Variants in LPP observed in about 807,000 individuals in gnomAD.
The protein encoded by LPP is LIM domain containing preferred translocation partner in lipoma.
LPP carries 38 observed loss-of-function variants against 60.4 expected under a neutral mutation model. The ratio of observed to expected loss-of-function variants is 0.63; its 90% CI spans 0.49 to 0.83. The LOEUF (loss-of-function observed/expected upper bound fraction) is 0.83. Ranked by LOEUF, LPP falls within the 40% of genes least tolerant of loss-of-function variation. The pLI is 0.00. For missense variants in LPP, 902 were observed against 783.6 expected, an observed-to-expected ratio of 1.15 and a Z score of -1.80; for synonymous variants, 328 against 290.8, an observed-to-expected ratio of 1.13 and a Z score of -1.30.
intron 4 of LPP, among the ~76,000 whole-genome samples, chr3:188,473,034 A>AT (rs775260993): frequency 1.6e-3 from 242 of 151,780 alleles, no homozygotes; most frequent in Non-Finnish European, 3.1e-3. Context: ...CTGTTTCTCT[A>AT]TTTTTTTTCC....
rs76919907 is a variant in LPP, at chr3:188,575,296, T to C, written c.430-33865T>C. 8.6e-3 allele frequency among the ~76,000 whole-genome samples: 1,303 copies of C among 152,274 alleles called. 17 individuals carry two copies. Among genetic ancestry groups the C allele is most frequent in the African/African-American group, 0.029 (1,220 of 41,564 alleles). On this transcript the variant is annotated intron_variant, in intron 6 of 11. Transcript: ENST00000617246. ...CAAAACTTATTTTGATTTTTTGTTT[T>C]TAGTTTTCCTAGTCTCTGAATGTCT... is the stretch of plus-strand genomic sequence containing the variant.
intron 3 of LPP, among the ~76,000 whole-genome samples, chr3:188,394,492 T>C (rs1780426787): frequency 6.6e-6 from 1 of 152,036 alleles, no homozygotes; most frequent in Non-Finnish European, 1.5e-5. Flanking sequence ...ACTTCAAGGA[T>C]GTTAAACTTC....
intron 9 of LPP, among the ~76,000 whole-genome samples, chr3:188,826,793 T>C (rs1376263883): frequency 6.6e-6 from 1 of 152,068 alleles, no homozygotes; most frequent in Non-Finnish European, 1.5e-5. Flanking sequence ...CTCTCATCTC[T>C]GCACCTCTCT....
chr3:188,829,795 A>G (rs1474884685), intron 9 of LPP, among the ~76,000 whole-genome samples: 2 of 152,166 alleles, frequency 1.3e-5, no homozygotes, highest in East Asian at 3.9e-4. Context: ...GACCCTGAAT[A>G]GTGCCTTGAA....
Position 188,238,651 on chromosome 3 carries a change from T to TCC in LPP, c.-67+13124_-67+13125insCC, listed in dbSNP as rs1431296917. Among the ~76,000 whole-genome samples the TCC allele has an allele frequency of 7.0e-4, 107 of 152,312 alleles. 1 individual carries two copies. The highest frequency in any genetic ancestry group is 2.5e-3 in the African/African-American group (104 of 41,552). On this transcript the variant is annotated intron_variant, in intron 2 of 11. Transcript: ENST00000617246. Reference sequence around the variant, plus strand: ...GGAGCAGTCAGAACACACCTATTTATTGATCAAGTTTGCCATCTCATATGG... The same window carrying TCC: ...GGAGCAGTCAGAACACACCTATTTATCCTGATCAAGTTTGCCATCTCATATGG...
chr3:188,423,555 CCCA>C (rs1375844355), intron 4 of LPP, among the ~76,000 whole-genome samples: 1 of 152,186 alleles, frequency 6.6e-6, no homozygotes, highest in Non-Finnish European at 1.5e-5. Context: ...AATTTACACT[CCCA>C]CCAACAGTGT....
At chr3:188,319,535 A>G (rs73050996) in intron 2 of LPP, among the ~76,000 whole-genome samples, 1,664 of 152,336 alleles carry the variant, frequency 0.011, 38 homozygotes, top group African/African-American at 0.038. Flanking sequence ...GTAAGACCCA[A>G]GACATCACTT....
chr3:188,243,183 C>A (rs768955178), intron 2 of LPP, among the ~76,000 whole-genome samples: 1 of 152,062 alleles, frequency 6.6e-6, no homozygotes, highest in Non-Finnish European at 1.5e-5. Flanking sequence ...CTGACAAAAA[C>A]TCCTATTTTT....
intron 3 of LPP, among the ~76,000 whole-genome samples, chr3:188,355,960 T>C (rs1351606333): frequency 6.6e-6 from 1 of 152,208 alleles, no homozygotes; most frequent in African/African-American, 2.4e-5. Context: ...TAAAACTGAA[T>C]GGATTTCACA....
At chr3:188,203,076 T>C (rs1731538668) in intron 1 of LPP, among the ~76,000 whole-genome samples, 1 of 143,828 alleles carries the variant, frequency 7.0e-6, no homozygotes, top group South Asian at 2.1e-4. Flanking sequence ...TATAATTATA[T>C]AATAATTAAA....
chr3:188,874,006 A>G (rs1339639280), intron 11 of LPP, among the ~76,000 whole-genome samples: 1 of 151,966 alleles, frequency 6.6e-6, no homozygotes, highest in Non-Finnish European at 1.5e-5. Context: ...GGTTAGGGAC[A>G]TTCTTATTTT....
intron 6 of LPP, among the ~76,000 whole-genome samples, chr3:188,596,071 C>T (rs1361817813): frequency 2.6e-5 from 4 of 152,036 alleles, no homozygotes; most frequent in Admixed American, 2.0e-4. Context: ...TTATTTCTTC[C>T]GATAGACATG....
Position 188,353,741 on chromosome 3 carries a change from T to C in LPP, c.-10+12022T>C, listed in dbSNP as rs754842953. 1.2e-3 allele frequency among the ~76,000 whole-genome samples: 186 copies of C among 152,206 alleles called. 2 individuals carry two copies. Among genetic ancestry groups the C allele is most frequent in the Non-Finnish European group, 2.1e-3 (142 of 68,022 alleles). On this transcript the variant is annotated intron_variant, in intron 3 of 11. Transcript: ENST00000617246. Reference sequence around the variant, plus strand: ...TATGGGGCCTCAGGTTTAAATGCTGTTATGCTTTGGGTAACACTTTAGCTG... The same window carrying C: ...TATGGGGCCTCAGGTTTAAATGCTGCTATGCTTTGGGTAACACTTTAGCTG...
Position 188,563,460 on chromosome 3 carries a change from A to ATGTGTG in LPP, c.429+38694_429+38699dup, listed in dbSNP as rs59514913. Among the ~76,000 whole-genome samples the ATGTGTG allele has an allele frequency of 3.7e-4, 53 of 142,034 alleles. No homozygotes were observed. The South Asian group carries it at 8.9e-3, about 24-fold the overall frequency. 93.2% of individuals were successfully genotyped at this position (142,034 alleles called of 152,430 possible). On this transcript the variant is annotated intron_variant, in intron 6 of 11. Coordinates refer to ENST00000617246, the MANE Select transcript of LPP (RefSeq NM_001375462.1). Reference sequence around the variant, plus strand: ...CATTTATGTATACATTTACATATATATGTGTGTGTGTGTGTGTGTGTGTGT... The same window carrying ATGTGTG: ...CATTTATGTATACATTTACATATATATGTGTGTGTGTGTGTGTGTGTGTGTGTGTGT...
At chr3:188,528,043 A>C (rs1287483978) in intron 6 of LPP, among the ~76,000 whole-genome samples, 1 of 152,220 alleles carries the variant, frequency 6.6e-6, no homozygotes, top group Non-Finnish European at 1.5e-5. Context: ...AGTGTTTGTC[A>C]GGGAGTAGTT....
chr3:188,457,739 A>AAT (rs57639615), intron 4 of LPP, among the ~76,000 whole-genome samples: 63,575 of 139,716 alleles, frequency 0.46, 14,959 homozygotes, highest in Middle Eastern at 0.53. Context: ...AAAAAAAAAA[A>AAT]ATATATATAT....
rs1770868087 is a variant in LPP at position 188,887,935 on chromosome 3, T to TATGC, written c.*13457_*13460dup. On this transcript the variant is annotated 3_prime_UTR_variant, in exon 12 of 12. Coordinates refer to ENST00000617246, the MANE Select transcript of LPP (RefSeq NM_001375462.1). Reference sequence around the variant, plus strand: ...ATATTTCCCCTCTGAAAATCTGAATTATGCCCTCATTCTTTTTCAAGAAAT... The same window carrying TATGC: ...ATATTTCCCCTCTGAAAATCTGAATTATGCATGCCCTCATTCTTTTTCAAGAAAT... The TATGC allele has an allele frequency of 4.8e-6, 1 of 209,970 alleles. No individual in the cohort carries two copies. 13.0% of individuals were successfully genotyped at this position (209,970 alleles called of 1,614,324 possible).
chr3:188,864,874 T>C (rs1210206810), intron 9 of LPP, among the ~76,000 whole-genome samples: 1 of 152,200 alleles, frequency 6.6e-6, no homozygotes, highest in Non-Finnish European at 1.5e-5. Context: ...AAACTGGAAG[T>C]CATTGGAGAC....
At chr3:188,755,579 G>C (rs772245655) in intron 8 of LPP, among the ~76,000 whole-genome samples, 1 of 152,068 alleles carries the variant, frequency 6.6e-6, no homozygotes, top group African/African-American at 2.4e-5. Flanking sequence ...CAAGGTTGGA[G>C]GGTTGCATGA....
Sources: allele counts gnomAD v4.1 joint callset (sites outside exome capture counted in the v4.1 genomes callset), GRCh38; gene constraint gnomAD v4.1.1; transcripts MANE v1.5; gene names NCBI Gene and HGNC (gene_info 2026-07-23, HGNC 2026-07-21).